Variants in ALK observed in about 807,000 individuals in gnomAD.
ALK encodes ALK receptor tyrosine kinase, also known as ALK tyrosine kinase receptor.
In ALK, 74 loss-of-function variants were observed where a neutral mutation model predicts 163.1. The ratio of observed to expected loss-of-function variants is 0.45; its 90% CI spans 0.38 to 0.55. The LOEUF is 0.55. ALK is among the 20% of genes least tolerant of loss of function. The probability of loss-of-function intolerance (pLI) is 0.00; values close to 1 mark genes in which losing one functional copy is unlikely to be tolerated. For synonymous variants in ALK, 960 were observed against 843.2 expected (o/e 1.14, Z -2.40); for missense variants, 2,063 against 2,105.3 (o/e 0.98, Z 0.39).
In ALK at chr2:29,197,536, T is replaced by C; in HGVS notation, c.4073+6A>G. The C allele has an allele frequency of 6.2e-7, 1 of 1,613,256 alleles. No homozygotes were observed. The highest frequency in any genetic ancestry group is 8.5e-7 in the Non-Finnish European group (1 of 1,180,002). ...ACTAGCAGAAGTGTTCCTAAAAGAG[T>C]CATACACAGGCCCAGGGCAGTTCTT... On this transcript the variant is annotated splice_donor_region_variant and intron_variant, in intron 27 of 28. Coordinates refer to ENST00000389048, the MANE Select transcript of ALK (RefSeq NM_004304.5).
intron 3 of ALK, among the ~76,000 whole-genome samples, chr2:29,612,038 AG>A (rs1675707218): frequency 6.6e-6 from 1 of 152,208 alleles, no homozygotes; most frequent in African/African-American, 2.4e-5. Flanking sequence ...GAACAGATCC[AG>A]ACAGGGTGAC....
At chr2:29,448,042 T>C (rs916708032) in intron 4 of ALK, among the ~76,000 whole-genome samples, 3 of 152,246 alleles carry the variant, frequency 2.0e-5, no homozygotes, top group African/African-American at 7.2e-5. Context: ...GTTTTCTTCA[T>C]AAATTTAAGG....
At position 29,229,063 on chromosome 2, in the gene ALK, C is replaced by T; in HGVS notation, c.2636G>A (p.Gly879Asp). ...GLNGNSGAAG[G>D]GGGWNDNTSL... Reference sequence around the variant, plus strand: ...AGTGTTATCATTCCAGCCACCTCCACCACCTGCGGGAAGAGATAGGGAACC... The same window carrying T: ...AGTGTTATCATTCCAGCCACCTCCATCACCTGCGGGAAGAGATAGGGAACC... The change falls in exon 16 of 29, where the codon GGT (glycine) becomes GAT (aspartate). Residue 879 changes from glycine to aspartate, a missense_variant. This residue lies in a region of ALK where 575 missense variants were observed against 626.6 expected (regional missense o/e 0.92). Transcript: ENST00000389048. 6.2e-7 allele frequency: 1 copy of T among 1,613,962 alleles called. No individual in the cohort carries two copies. The highest frequency in any genetic ancestry group is 8.5e-7 in the Non-Finnish European group (1 of 1,179,954).
chr2:29,717,378 A>G (rs1203191124), intron 2 of ALK, among the ~76,000 whole-genome samples, 200 bp downstream of exon 2: 2 of 152,022 alleles, frequency 1.3e-5, no homozygotes, highest in African/African-American at 4.8e-5. Context: ...CAGGATACAG[A>G]ATGCAGCTGG....
chr2:29,467,306 ATTGT>A (rs1671237246), intron 4 of ALK, among the ~76,000 whole-genome samples: 1 of 151,848 alleles, frequency 6.6e-6, no homozygotes, highest in African/African-American at 2.4e-5. Context: ...TTACTAATTT[ATTGT>A]TTAATTAATT....
At chr2:29,491,713 T>C (rs4511681) in intron 4 of ALK, among the ~76,000 whole-genome samples, 151,819 of 152,316 alleles carry the variant, frequency 1, 75,664 homozygotes, top group Non-Finnish European at 1. Flanking sequence ...TACTTTCACT[T>C]AACGTGTGTC....
chr2:29,312,277 C>A (rs949560569), intron 8 of ALK, among the ~76,000 whole-genome samples: 18 of 152,152 alleles, frequency 1.2e-4, no homozygotes, highest in Admixed American at 1.0e-3. Context: ...CTAATTGTGT[C>A]TAGATTCAGG....
At chr2:29,647,778 T>TTC (rs1553341560) in intron 3 of ALK, among the ~76,000 whole-genome samples, 1 of 122,198 alleles carries the variant, frequency 8.2e-6, no homozygotes, top group East Asian at 2.0e-4. Flanking sequence ...ATTTTTTCTT[T>TTC]TTTTTTTTTT....
chr2:29,629,552 T>C (rs1676296979), intron 3 of ALK, among the ~76,000 whole-genome samples: 1 of 152,210 alleles, frequency 6.6e-6, no homozygotes, highest in Non-Finnish European at 1.5e-5. Context: ...CTTAAATTGC[T>C]CTCATAATTC....
At chr2:29,303,360 A>G (rs964570452) in intron 8 of ALK, among the ~76,000 whole-genome samples, 2 of 152,202 alleles carry the variant, frequency 1.3e-5, no homozygotes, top group African/African-American at 4.8e-5. Flanking sequence ...CAGAATGGCT[A>G]TTATTAAAAG....
chr2:29,443,668 C>T (rs1197610564), intron 4 of ALK, among the ~76,000 whole-genome samples: 2 of 152,168 alleles, frequency 1.3e-5, no homozygotes, highest in East Asian at 1.9e-4. Flanking sequence ...AGGGGCTAGT[C>T]TCCTGAAATT....
intron 3 of ALK, among the ~76,000 whole-genome samples, chr2:29,581,410 A>T (rs1674686639): frequency 5.9e-5 from 9 of 152,100 alleles, no homozygotes; most frequent in Admixed American, 5.9e-4. Flanking sequence ...ATAAAATAAA[A>T]GAGTCAAAGC....
At chr2:29,539,552 A>G (rs111422362) in intron 3 of ALK, among the ~76,000 whole-genome samples, 2,516 of 152,250 alleles carry the variant, frequency 0.017, 77 homozygotes, top group African/African-American at 0.056. Context: ...ACTGTCCAAA[A>G]TTTGCTTCCT....
intron 1 of ALK, among the ~76,000 whole-genome samples, chr2:29,792,226 T>A (rs1376288622): frequency 6.6e-6 from 1 of 152,164 alleles, no homozygotes; most frequent in Non-Finnish European, 1.5e-5. Flanking sequence ...TGTGTGGTGC[T>A]AACACAAAAA....
intron 5 of ALK, among the ~76,000 whole-genome samples, chr2:29,332,521 A>C (rs903999682): frequency 6.6e-6 from 1 of 152,142 alleles, no homozygotes; most frequent in Non-Finnish European, 1.5e-5. Flanking sequence ...GGGTCAAAAG[A>C]AACAAAGAAA....
At chr2:29,219,106 A>G (rs76219112) in intron 23 of ALK, among the ~76,000 whole-genome samples, 2,196 of 152,238 alleles carry the variant, frequency 0.014, 39 homozygotes, top group African/African-American at 0.05. Flanking sequence ...TCTCATCCAT[A>G]GAATTGGGGA....
intron 1 of ALK, among the ~76,000 whole-genome samples, chr2:29,888,254 TTTTTTTTAAA>T (rs1030007719): frequency 4.9e-4 from 73 of 148,436 alleles, no homozygotes; most frequent in African/African-American, 1.8e-3. Context: ...TTGTTTTTTT[TTTTTTTTAAA>T]AAAAGGGAAA....
At chr2:29,221,856 CACTGAG>C (rs1323481790) in intron 22 of ALK, among the ~76,000 whole-genome samples, 1 of 152,194 alleles carries the variant, frequency 6.6e-6, no homozygotes, top group Non-Finnish European at 1.5e-5. Context: ...GAGCCATAGG[CACTGAG>C]ACTCTCAGCT....
chr2:29,326,622 G>A (rs936486138), intron 6 of ALK, among the ~76,000 whole-genome samples: 2 of 152,176 alleles, frequency 1.3e-5, no homozygotes, highest in Non-Finnish European at 1.5e-5. Flanking sequence ...AACAGGGTAA[G>A]CAAAGCCCTT....
Sources: allele counts gnomAD v4.1 joint callset (sites outside exome capture counted in the v4.1 genomes callset), GRCh38; gene constraint gnomAD v4.1.1; regional missense constraint gnomAD v4.1.1; transcripts MANE v1.5; gene names NCBI Gene and HGNC (gene_info 2026-07-23, HGNC 2026-07-21).